Variants in GPC5 observed in about 807,000 individuals in gnomAD.
GPC5 encodes glypican-5.
GPC5 carries 47 observed loss-of-function variants against 53.9 expected under a neutral mutation model. The ratio of observed to expected loss-of-function variants is 0.87; its 90% CI spans 0.69 to 1.11. GPC5 has a LOEUF of 1.11. Ranked by LOEUF, GPC5 falls within the 50% of genes most tolerant of loss-of-function variation. The pLI, the probability that GPC5 is intolerant of heterozygous loss-of-function variation, is 0.00. For missense variants in GPC5, 748 were observed against 713.1 expected (o/e 1.05, Z -0.56); for synonymous variants, 286 against 263.3 (o/e 1.09, Z -0.84).
intron 2 of GPC5, among the ~76,000 whole-genome samples, chr13:91,556,039 G>A (rs1445019989): frequency 6.7e-6 from 1 of 150,224 alleles, no homozygotes; most frequent in Non-Finnish European, 1.5e-5. Flanking sequence ...TCACCATGAG[G>A]ATCCCTGGTG....
chr13:91,442,367 T>A (rs1233039017), intron 1 of GPC5, among the ~76,000 whole-genome samples: 2 of 152,258 alleles, frequency 1.3e-5, no homozygotes, highest in Non-Finnish European at 2.9e-5. Context: ...TTTGTTATAT[T>A]TTCTATGTCT....
In GPC5 at chr13:92,157,265, A is replaced by G. The variant is rs142134499; in HGVS notation, c.1561+12276A>G. On this transcript the variant is annotated intron_variant, in intron 7 of 7. Transcript: ENST00000377067. ...TAGGCAAGGAAGATGTTCATTATTC[A>G]AGATGATTACAGTAGGGGAAAGAGA... Among the ~76,000 whole-genome samples the G allele has an allele frequency of 5.2e-3, 787 of 152,326 alleles. 10 individuals carry two copies. Among genetic ancestry groups the G allele is most frequent in the African/African-American group, 0.018 (751 of 41,568 alleles).
intron 7 of GPC5, among the ~76,000 whole-genome samples, chr13:92,749,780 C>T (rs988401727): frequency 1.1e-4 from 17 of 151,950 alleles, no homozygotes; most frequent in African/African-American, 3.1e-4. Context: ...TTCATAGACC[C>T]GCTAATTTGT....
intron 7 of GPC5, chr13:92,447,997 A>C (rs1173249851): frequency 6.6e-6 from 1 of 152,100 alleles, no homozygotes; most frequent in African/African-American, 2.4e-5. Flanking sequence ...ACTTTGGCCA[A>C]ATTAAAATCT....
At chr13:92,775,308 A>T (rs559544708) in intron 7 of GPC5, among the ~76,000 whole-genome samples, 97 of 152,246 alleles carry the variant, frequency 6.4e-4, no homozygotes, top group Non-Finnish European at 9.6e-4. Flanking sequence ...AAATGGATTT[A>T]AAAAAAGCAT....
chr13:91,720,365 T>C (rs1045537311), intron 3 of GPC5, among the ~76,000 whole-genome samples: 4 of 152,218 alleles, frequency 2.6e-5, no homozygotes, highest in Admixed American at 6.5e-5. Context: ...ACTTGCATTT[T>C]CAGTAGCTTT....
chr13:91,948,643 G>T lies in GPC5; in HGVS notation c.1401+40586G>T, dbSNP rs574071522. On this transcript the variant is annotated intron_variant, in intron 6 of 7. Coordinates refer to ENST00000377067, the MANE Select transcript of GPC5 (RefSeq NM_004466.6). ...ATGAGTTCATAAAATATGTGTTGAGGACAAAACAAATGCAATTTTAATAAT... is the reference window on the plus strand; with the variant it reads ...ATGAGTTCATAAAATATGTGTTGAGTACAAAACAAATGCAATTTTAATAAT... Among the ~76,000 whole-genome samples, 4 of 152,234 alleles carry T rather than the reference G, an allele frequency of 2.6e-5. No homozygotes were observed. In the South Asian group the frequency reaches 8.3e-4, roughly 32 times the overall value.
chr13:91,865,524 TAAGAAG>T (rs1460281649), intron 5 of GPC5, among the ~76,000 whole-genome samples: 1 of 152,162 alleles, frequency 6.6e-6, no homozygotes, highest in Non-Finnish European at 1.5e-5. Flanking sequence ...ACAGCATCTT[TAAGAAG>T]GTCCTCTTAA....
At chr13:92,385,904 C>T (rs911405031) in intron 7 of GPC5, among the ~76,000 whole-genome samples, 4 of 149,996 alleles carry the variant, frequency 2.7e-5, no homozygotes, top group Non-Finnish European at 5.9e-5. Flanking sequence ...AAGTGACTCA[C>T]GTAAGCTTTA....
At position 92,436,386 on chromosome 13, in the gene GPC5, C is replaced by A. The variant is rs555064245; in HGVS notation, c.1561+291397C>A. Among the ~76,000 whole-genome samples, 3 of 152,278 alleles carry A rather than the reference C, an allele frequency of 2.0e-5. No homozygotes were observed. In the East Asian group the frequency reaches 5.8e-4, roughly 29 times the overall value. ...TCTGGGAAGAAAAGTGCCTTTCTCT[C>A]ATTCTTTCTGATTCAGTTGCAGTCT... On this transcript the variant is annotated intron_variant, in intron 7 of 7. Coordinates refer to ENST00000377067, the MANE Select transcript of GPC5 (RefSeq NM_004466.6).
chr13:92,841,313 C>A (rs77143890), intron 7 of GPC5, among the ~76,000 whole-genome samples: 1 of 151,894 alleles, frequency 6.6e-6, no homozygotes, highest in Non-Finnish European at 1.5e-5. Context: ...AGCAATTTAA[C>A]GATAGAAGAA....
intron 7 of GPC5, among the ~76,000 whole-genome samples, chr13:92,187,592 A>T (rs1180444070): frequency 2.0e-5 from 3 of 152,188 alleles, no homozygotes; most frequent in Admixed American, 6.6e-5. Flanking sequence ...GTGGCACTGC[A>T]CCCCTCACTG....
intron 7 of GPC5, among the ~76,000 whole-genome samples, chr13:92,486,011 C>T (rs1156490631): frequency 6.6e-6 from 1 of 152,138 alleles, no homozygotes; most frequent in African/African-American, 2.4e-5. Flanking sequence ...GTTAGATTGA[C>T]TAATGCCAGC....
At chr13:91,519,443 T>C (rs1259007613) in intron 2 of GPC5, among the ~76,000 whole-genome samples, 1 of 152,130 alleles carries the variant, frequency 6.6e-6, no homozygotes, top group Non-Finnish European at 1.5e-5. Context: ...GGGATCGGAC[T>C]TTCCTCTTTC....
chr13:92,604,345 T>C (rs1884181554), intron 7 of GPC5, among the ~76,000 whole-genome samples: 1 of 152,160 alleles, frequency 6.6e-6, no homozygotes, highest in African/African-American at 2.4e-5. Flanking sequence ...TTTAACATAA[T>C]ATTTGTAAAT....
chr13:91,474,478 T>G (rs1882813707), intron 2 of GPC5, among the ~76,000 whole-genome samples: 1 of 152,134 alleles, frequency 6.6e-6, no homozygotes, highest in Non-Finnish European at 1.5e-5. Context: ...CCTTTGCAGT[T>G]GAACTGAAAT....
chr13:92,695,296 A>G (rs551606835), intron 7 of GPC5, among the ~76,000 whole-genome samples: 1 of 152,202 alleles, frequency 6.6e-6, no homozygotes, highest in South Asian at 2.1e-4. Flanking sequence ...TGTTAATTTA[A>G]GTTCCTTATA....
chr13:92,519,463 G>A (rs1283159872), intron 7 of GPC5, among the ~76,000 whole-genome samples: 1 of 152,156 alleles, frequency 6.6e-6, no homozygotes, highest in Non-Finnish European at 1.5e-5. Flanking sequence ...TAGAACTCAG[G>A]ATTAAGAAAC....
intron 7 of GPC5, among the ~76,000 whole-genome samples, chr13:92,595,383 T>C (rs1278236788): frequency 1.3e-5 from 2 of 152,224 alleles, no homozygotes; most frequent in African/African-American, 4.8e-5. Context: ...TGATGTCTTA[T>C]ATTGTCATAA....
Sources: allele counts gnomAD v4.1 joint callset (sites outside exome capture counted in the v4.1 genomes callset), GRCh38; gene constraint gnomAD v4.1.1; transcripts MANE v1.5; gene names NCBI Gene and HGNC (gene_info 2026-07-23, HGNC 2026-07-21).